The following TSPAN9 variants were observed in gnomAD, a reference collection of about 807,000 sequenced individuals.
TSPAN9 encodes the protein tetraspanin-9.
A neutral mutation model predicts 31.0 loss-of-function variants in TSPAN9; 16 were observed. That is an observed-to-expected ratio of 0.52 (90% CI 0.35 to 0.78). TSPAN9 has a LOEUF of 0.78. TSPAN9 is among the 30% of genes least tolerant of loss of function. TSPAN9 has a pLI of 0.01. For synonymous variants in TSPAN9, 145 were observed against 121.6 expected, an observed-to-expected ratio of 1.19 and a Z score of -1.27; for missense variants, 272 against 312.5, an observed-to-expected ratio of 0.87 and a Z score of 0.98.
At chr12:3,130,642 G>A (rs1434232786) in intron 2 of TSPAN9, among the ~76,000 whole-genome samples, 1 of 152,058 alleles carries the variant, frequency 6.6e-6, no homozygotes, top group African/African-American at 2.4e-5. Flanking sequence ...AACCTCTTTC[G>A]GCTTCTGCTG....
At chr12:3,084,860 G>A (rs1180800017) in intron 2 of TSPAN9, among the ~76,000 whole-genome samples, 1 of 152,182 alleles carries the variant, frequency 6.6e-6, no homozygotes, top group Admixed American at 6.5e-5. Context: ...GCAGACCTGC[G>A]GCTGTTCTTA....
chr12:3,230,419 C>T (rs1012402361), intron 3 of TSPAN9, among the ~76,000 whole-genome samples: 12 of 152,158 alleles, frequency 7.9e-5, no homozygotes, highest in Non-Finnish European at 1.5e-4. Flanking sequence ...ATCTCACCGT[C>T]TCCTTTTTCC....
chr12:3,204,581 G>A (rs1337067755), intron 3 of TSPAN9, among the ~76,000 whole-genome samples: 1 of 152,314 alleles, frequency 6.6e-6, no homozygotes, highest in East Asian at 1.9e-4. Context: ...CATGTTGGCA[G>A]CCCAGTGCAC....
chr12:3,085,697 G>A (rs1565569895), intron 2 of TSPAN9, among the ~76,000 whole-genome samples: 1 of 152,166 alleles, frequency 6.6e-6, no homozygotes, highest in African/African-American at 2.4e-5. Flanking sequence ...CAGGTTGGGT[G>A]ACCCACTGCC....
intron 2 of TSPAN9, among the ~76,000 whole-genome samples, chr12:3,174,732 A>G (rs79866731): frequency 0.37 from 51,526 of 139,898 alleles, 10,913 homozygotes; most frequent in South Asian, 0.49. Context: ...ACAGGCGCCC[A>G]CCACCGCGCC....
rs2098364902 is a variant in TSPAN9, at chr12:3,192,439, G to T, written c.-17-8738G>T. Reference sequence around the variant, plus strand: ...ATGCCAGGTGCAGGGAGGCTCTGCGGCTTGGACTTGTGTTTGCTTCGAGGT... The same window carrying T: ...ATGCCAGGTGCAGGGAGGCTCTGCGTCTTGGACTTGTGTTTGCTTCGAGGT... On this transcript the variant is annotated intron_variant, in intron 2 of 8. Transcript: ENST00000011898. This position sits in a 1 kb window ranked among gnomAD's most constrained non-coding sequence, Gnocchi z 4.6. Among the ~76,000 whole-genome samples, 1 of 152,176 alleles carries T rather than the reference G, an allele frequency of 6.6e-6. No individual in the cohort carries two copies. Among genetic ancestry groups the T allele is most frequent in the South Asian group, 2.1e-4 (1 of 4,818 alleles).
At chr12:3,134,348 G>A (rs907284445) in intron 2 of TSPAN9, among the ~76,000 whole-genome samples, 1 of 152,214 alleles carries the variant, frequency 6.6e-6, no homozygotes, top group African/African-American at 2.4e-5. Context: ...GCAGGAATTA[G>A]TGTCATAGAG....
rs1591723776 is a variant in TSPAN9 at position 3,280,588 on chromosome 12, G to A, written c.432+105G>A. The A allele has an allele frequency of 1.2e-5, 13 of 1,089,128 alleles. No individual in the cohort carries two copies. The highest frequency in any genetic ancestry group is 1.6e-5 in the Non-Finnish European group (12 of 750,302). 67.5% of individuals were successfully genotyped at this position (1,089,128 alleles called of 1,614,324 possible). On this transcript the variant is annotated intron_variant, in intron 6 of 8. Transcript: ENST00000011898. This position sits in a 1 kb window ranked among gnomAD's most constrained non-coding sequence, Gnocchi z 4.5. ...CCTGGCCGGGCACCTGTGCTTTCTG[G>A]ATTTTAGCCGGGAGTGGAGTGGTAC...
At chr12:3,176,289 A>G (rs1591661376) in intron 2 of TSPAN9, among the ~76,000 whole-genome samples, 6 of 152,226 alleles carry the variant, frequency 3.9e-5, no homozygotes, top group Admixed American at 3.9e-4. Context: ...GAGAAGGTCC[A>G]ATTTTGCCTG....
intron 3 of TSPAN9, among the ~76,000 whole-genome samples, chr12:3,215,876 C>T (rs1482771162): frequency 6.6e-6 from 1 of 151,838 alleles, no homozygotes; most frequent in African/African-American, 2.4e-5. Context: ...GAGTGGAGAA[C>T]GTAGGTTGGT....
chr12:3,268,072 G>A (rs1272321636), intron 3 of TSPAN9, among the ~76,000 whole-genome samples: 1 of 152,228 alleles, frequency 6.6e-6, no homozygotes, highest in Non-Finnish European at 1.5e-5. Flanking sequence ...GAAGCCTCCA[G>A]TGGAGGCCAT....
At chr12:3,079,216 T>A (rs1467633535) in intron 1 of TSPAN9, among the ~76,000 whole-genome samples, 1 of 152,234 alleles carries the variant, frequency 6.6e-6, no homozygotes, top group African/African-American at 2.4e-5. Context: ...TGACCTCAAG[T>A]GATCCACCTG....
At chr12:3,252,845 C>G in intron 3 of TSPAN9, among the ~76,000 whole-genome samples, 1 of 152,170 alleles carries the variant, frequency 6.6e-6, no homozygotes, top group Non-Finnish European at 1.5e-5. Context: ...CACTTTCTCC[C>G]TTGAGGGCCG....
chr12:3,219,453 C>G (rs947776979), intron 3 of TSPAN9, among the ~76,000 whole-genome samples: 1 of 152,148 alleles, frequency 6.6e-6, no homozygotes, highest in African/African-American at 2.4e-5. Flanking sequence ...CGGTGTGGGT[C>G]GGGCACCTGT....
At chr12:3,158,454 T>A (rs866703258) in intron 2 of TSPAN9, among the ~76,000 whole-genome samples, 34 of 152,308 alleles carry the variant, frequency 2.2e-4, no homozygotes, top group Middle Eastern at 3.4e-3. Flanking sequence ...TAGGCTTCCG[T>A]GGCTCACGCC....
At chr12:3,232,918 A>G (rs1328802904) in intron 3 of TSPAN9, among the ~76,000 whole-genome samples, 1 of 152,204 alleles carries the variant, frequency 6.6e-6, no homozygotes, top group African/African-American at 2.4e-5. Context: ...AGAGCCACAC[A>G]GAAAGATTTT....
At chr12:3,182,916 C>T (rs1219580468) in intron 2 of TSPAN9, among the ~76,000 whole-genome samples, 3 of 152,190 alleles carry the variant, frequency 2.0e-5, no homozygotes, top group East Asian at 1.9e-4. Flanking sequence ...CACAGAGTGG[C>T]GGAGACAGGG....
chr12:3,198,887 A>ACCAGCACAGG (rs1341593037), intron 2 of TSPAN9, among the ~76,000 whole-genome samples: 31 of 150,020 alleles, frequency 2.1e-4, no homozygotes, highest in African/African-American at 6.5e-4. Context: ...ACAGGTCACC[A>ACCAGCACAGG]TCAGCACAGG....
intron 3 of TSPAN9, among the ~76,000 whole-genome samples, chr12:3,253,633 A>T (rs918851268): frequency 6.6e-6 from 1 of 152,242 alleles, no homozygotes. Flanking sequence ...CGATCAGCCC[A>T]GGTCCACTCG....
Sources: allele counts gnomAD v4.1 joint callset (sites outside exome capture counted in the v4.1 genomes callset), GRCh38; gene constraint gnomAD v4.1.1; non-coding constraint Gnocchi (gnomAD v3.1); transcripts MANE v1.5; gene names NCBI Gene and HGNC (gene_info 2026-07-23, HGNC 2026-07-21).